The following PRKCB variants were observed in gnomAD, a reference collection of about 807,000 sequenced individuals.
PRKCB encodes the protein protein kinase C beta.
PRKCB carries 13 observed loss-of-function variants against 81.5 expected under a neutral mutation model. The observed-to-expected ratio is 0.16, with a 90% CI of 0.10 to 0.25. The LOEUF is 0.25. Ranked by LOEUF, PRKCB falls within the 10% of genes least tolerant of loss-of-function variation. The pLI, the probability that PRKCB is intolerant of heterozygous loss-of-function variation, is 1.00. For synonymous variants in PRKCB, 335 were observed against 321.4 expected (o/e 1.04, Z -0.45); for missense variants, 509 against 875.7 (o/e 0.58, Z 5.29).
In PRKCB at chr16:24,123,148, A is replaced by G. The variant is rs189050532; in HGVS notation, c.919-687A>G. On this transcript the variant is annotated intron_variant, in intron 8 of 16. Coordinates refer to ENST00000643927, the MANE Select transcript of PRKCB (RefSeq NM_002738.7). ...AAGGAAGAAAATCAGAGGAGAACCTAGTGCAGACAGAGAGAATCGATGAGG... is the reference window on the plus strand; with the variant it reads ...AAGGAAGAAAATCAGAGGAGAACCTGGTGCAGACAGAGAGAATCGATGAGG... Among the ~76,000 whole-genome samples the G allele has an allele frequency of 4.6e-3, 705 of 152,348 alleles. 3 individuals are homozygous for G. The highest frequency in any genetic ancestry group is 0.016 in the African/African-American group (675 of 41,584).
At chr16:24,055,398 T>C (rs779180751) in intron 5 of PRKCB, among the ~76,000 whole-genome samples, 15 of 152,184 alleles carry the variant, frequency 9.9e-5, no homozygotes, top group Non-Finnish European at 1.9e-4. Context: ...TGACTGCTAT[T>C]GTCTGTTCCT....
intron 2 of PRKCB, among the ~76,000 whole-genome samples, chr16:23,913,779 C>A (rs1963696804): frequency 6.6e-6 from 1 of 152,192 alleles, no homozygotes; most frequent in Admixed American, 6.5e-5. Flanking sequence ...CTTTGTCCTT[C>A]ATCTCAGAAT....
chr16:24,140,819 T>G (rs1205600583), intron 9 of PRKCB, among the ~76,000 whole-genome samples: 2 of 152,208 alleles, frequency 1.3e-5, no homozygotes, highest in Non-Finnish European at 2.9e-5. Flanking sequence ...GAATTCAGGC[T>G]CCTTTCATCC....
chr16:24,161,873 A>G (rs762632641), intron 10 of PRKCB, among the ~76,000 whole-genome samples: 1 of 152,188 alleles, frequency 6.6e-6, no homozygotes, highest in African/African-American at 2.4e-5. Context: ...GTACGAAAGA[A>G]TTATGTTTCT....
Position 23,836,087 on chromosome 16 carries a change from C to A in PRKCB, c.-89C>A, listed in dbSNP as rs932555926. 7.2e-5 allele frequency: 69 copies of A among 958,870 alleles called. No individual in the cohort carries two copies. The highest frequency in any genetic ancestry group is 5.1e-4 in the Middle Eastern group (1 of 1,960). 59.4% of individuals were successfully genotyped at this position (958,870 alleles called of 1,614,324 possible). On this transcript the variant is annotated 5_prime_UTR_variant, in exon 1 of 17. Coordinates refer to ENST00000643927, the MANE Select transcript of PRKCB (RefSeq NM_002738.7). Reference sequence around the variant, plus strand: ...CCGCGGCCCCGGGTGCAGCAGCGGCCGCCGCCTCCCGCGCCTCCCCGGCCC... The same window carrying A: ...CCGCGGCCCCGGGTGCAGCAGCGGCAGCCGCCTCCCGCGCCTCCCCGGCCC...
chr16:23,919,393 A>AT (rs1160963085), intron 2 of PRKCB, among the ~76,000 whole-genome samples: 1 of 151,804 alleles, frequency 6.6e-6, no homozygotes, highest in Non-Finnish European at 1.5e-5. Context: ...TTTGCAAAAA[A>AT]AAAAAAACCT....
rs144005590 is a variant in PRKCB, at chr16:23,991,161, T to C, written c.288+2571T>C. ...CTTCTGCAAATGGTCATCTGCCAAT[T>C]TGCTGCAAACTGGGGTGGGAGTTTG... On this transcript the variant is annotated intron_variant, in intron 3 of 16. Coordinates refer to ENST00000643927, the MANE Select transcript of PRKCB (RefSeq NM_002738.7). 8.4e-3 allele frequency among the ~76,000 whole-genome samples: 1,284 copies of C among 152,322 alleles called. 16 individuals carry two copies. Among genetic ancestry groups the C allele is most frequent in the Middle Eastern group, 0.02 (6 of 294 alleles).
chr16:23,887,255 G>A (rs1963217591), intron 2 of PRKCB, among the ~76,000 whole-genome samples: 1 of 152,126 alleles, frequency 6.6e-6, no homozygotes, highest in African/African-American at 2.4e-5. Flanking sequence ...TGTCACATGG[G>A]TATATTGCGT....
intron 2 of PRKCB, among the ~76,000 whole-genome samples, chr16:23,838,882 CTT>C (rs1370820284): frequency 6.6e-6 from 1 of 152,234 alleles, no homozygotes; most frequent in Non-Finnish European, 1.5e-5. Flanking sequence ...CCTCAAGTCT[CTT>C]TAAGTGGCAA....
At chr16:23,885,436 G>A (rs1963183866) in intron 2 of PRKCB, among the ~76,000 whole-genome samples, 1 of 152,128 alleles carries the variant, frequency 6.6e-6, no homozygotes, top group African/African-American at 2.4e-5. Flanking sequence ...AGCCTCCCGA[G>A]TAGCTGAGGT....
At chr16:24,112,161 C>G (rs1334904330) in intron 7 of PRKCB, among the ~76,000 whole-genome samples, 1 of 152,172 alleles carries the variant, frequency 6.6e-6, no homozygotes, top group Non-Finnish European at 1.5e-5. Context: ...CCATGGTCAC[C>G]TAAATGCAGT....
chr16:23,941,538 A>C (rs1249638325), intron 2 of PRKCB, among the ~76,000 whole-genome samples: 2 of 152,202 alleles, frequency 1.3e-5, no homozygotes, highest in Non-Finnish European at 2.9e-5. Flanking sequence ...ATCCTCTAGG[A>C]TATTAAAAGA....
intron 9 of PRKCB, among the ~76,000 whole-genome samples, chr16:24,148,031 A>G (rs1567392206): frequency 6.6e-6 from 1 of 152,102 alleles, no homozygotes; most frequent in African/African-American, 2.4e-5. Context: ...ATTAGAGACA[A>G]TTGTCTGCTA....
chr16:23,850,200 C>T (rs1402487497), intron 2 of PRKCB, among the ~76,000 whole-genome samples: 1 of 151,942 alleles, frequency 6.6e-6, no homozygotes, highest in Non-Finnish European at 1.5e-5. Flanking sequence ...ATACACCATA[C>T]TTTCTTTATT....
chr16:24,037,487 T>C (rs1437510669), intron 5 of PRKCB, among the ~76,000 whole-genome samples: 1 of 152,248 alleles, frequency 6.6e-6, no homozygotes, highest in Non-Finnish European at 1.5e-5. Context: ...TAAGTTATCA[T>C]TCTACCCATC....
intron 2 of PRKCB, among the ~76,000 whole-genome samples, chr16:23,956,467 T>C (rs1964350918): frequency 6.6e-6 from 1 of 152,208 alleles, no homozygotes; most frequent in Non-Finnish European, 1.5e-5. Flanking sequence ...ACATTAGCAA[T>C]AGGCATTTGG....
chr16:24,033,626 G>A (rs138290761), intron 4 of PRKCB, among the ~76,000 whole-genome samples: 4 of 152,314 alleles, frequency 2.6e-5, no homozygotes, highest in African/African-American at 9.6e-5. Flanking sequence ...GCCAGTCAAG[G>A]TGGTGGGTAC....
At chr16:23,975,441 C>T (rs935079767) in intron 2 of PRKCB, among the ~76,000 whole-genome samples, 12 of 152,078 alleles carry the variant, frequency 7.9e-5, no homozygotes, top group African/African-American at 2.7e-4. Context: ...GGGTCTAAAT[C>T]GCTGTTGCAT....
At chr16:24,049,758 C>G (rs1054398812) in intron 5 of PRKCB, among the ~76,000 whole-genome samples, 1 of 152,170 alleles carries the variant, frequency 6.6e-6, no homozygotes, top group South Asian at 2.1e-4. Context: ...TCAGGTTACA[C>G]TGGAAAACTC....
Sources: allele counts gnomAD v4.1 joint callset (sites outside exome capture counted in the v4.1 genomes callset), GRCh38; gene constraint gnomAD v4.1.1; transcripts MANE v1.5; gene names NCBI Gene and HGNC (gene_info 2026-07-23, HGNC 2026-07-21).